Variants in CCM2 observed in about 807,000 individuals in gnomAD.
CCM2 encodes the protein CCM2 scaffold protein, also known as cerebral cavernous malformations 2 protein.
A neutral mutation model predicts 44.9 loss-of-function variants in CCM2; 25 were observed. The observed-to-expected ratio is 0.56, with a 90% confidence interval of 0.41 to 0.78. CCM2 has a LOEUF of 0.78. CCM2 is among the 30% of genes least tolerant of loss of function. CCM2 has a pLI of 0.00. For missense variants in CCM2, 481 were observed against 580.6 expected, an observed-to-expected ratio of 0.83 and a Z score of 1.76; for synonymous variants, 219 against 241.1, an observed-to-expected ratio of 0.91 and a Z score of 0.85.
chr7:45,073,789 C>G, intron 8 of CCM2: 1 of 584,302 alleles, frequency 1.7e-6, no homozygotes, highest in Non-Finnish European at 3.1e-6. Context: ...GTGCTGTGGC[C>G]GTCAGGGCTG....
chr7:45,005,128 C>T (rs1362982555), intron 1 of CCM2, among the ~76,000 whole-genome samples: 1 of 152,040 alleles, frequency 6.6e-6, no homozygotes, highest in Non-Finnish European at 1.5e-5. Context: ...GTAGCTATTG[C>T]AGTGATTCTT....
chr7:45,043,343 G>T (rs140117244), intron 2 of CCM2, among the ~76,000 whole-genome samples: 100 of 152,228 alleles, frequency 6.6e-4, no homozygotes, highest in African/African-American at 2.1e-3. Flanking sequence ...AAAATTAAAA[G>T]AAATAACAGA....
chr7:45,035,702 C>G (rs1045267461), intron 1 of CCM2, among the ~76,000 whole-genome samples: 10 of 152,064 alleles, frequency 6.6e-5, no homozygotes, highest in Admixed American at 2.6e-4. Context: ...GGCTTTAAGC[C>G]TGGGTCACAG....
chr7:45,069,714 C>G, intron 5 of CCM2, 112 bp from the exon 6 acceptor site: 1 of 1,368,224 alleles, frequency 7.3e-7, no homozygotes, highest in Non-Finnish European at 1.0e-6. Flanking sequence ...CTGGTATCCA[C>G]TCTTCATTCA....
intron 5 of CCM2, among the ~76,000 whole-genome samples, chr7:45,069,111 G>A (rs1299249876): frequency 6.6e-6 from 1 of 152,268 alleles, no homozygotes; most frequent in African/African-American, 2.4e-5. Context: ...CCACCCAATA[G>A]CTGTGGGGCC....
At chr7:45,007,951 A>C (rs953479378) in intron 1 of CCM2, among the ~76,000 whole-genome samples, 4 of 152,080 alleles carry the variant, frequency 2.6e-5, no homozygotes, top group African/African-American at 9.7e-5. Context: ...AAAAAATCAA[A>C]TTTGCTTCCT....
At chr7:45,028,553 A>C (rs968084020) in intron 1 of CCM2, among the ~76,000 whole-genome samples, 18 of 152,068 alleles carry the variant, frequency 1.2e-4, no homozygotes, top group Admixed American at 1.0e-3. Context: ...GCTATTTGGG[A>C]GGCTGAGGCA....
intron 2 of CCM2, among the ~76,000 whole-genome samples, chr7:45,056,062 C>G (rs973344017): frequency 1.1e-4 from 17 of 148,860 alleles, no homozygotes; most frequent in African/African-American, 4.2e-4. Flanking sequence ...GTGTAGATCA[C>G]ATTTGGTTTA....
intron 2 of CCM2, 108 bp from the exon 3 acceptor site, chr7:45,063,810 C>T (rs1472095365): frequency 2.5e-6 from 2 of 790,678 alleles, no homozygotes; most frequent in African/African-American, 1.7e-5. Context: ...GACCCATGGG[C>T]CTGGTGGCCT....
intron 1 of CCM2, among the ~76,000 whole-genome samples, chr7:45,010,830 T>A (rs530709182): frequency 6.6e-6 from 1 of 152,262 alleles, no homozygotes; most frequent in African/African-American, 2.4e-5. Context: ...ACCCCTGACC[T>A]CAGGTGATAC....
intron 1 of CCM2, among the ~76,000 whole-genome samples, chr7:45,034,587 C>T (rs1402788679): frequency 2.2e-5 from 3 of 134,784 alleles, no homozygotes; most frequent in Admixed American, 8.2e-5. Flanking sequence ...AGCACAATCT[C>T]GGCTCACTGC....
In CCM2 at chr7:45,073,520, G is replaced by C. The variant is rs778781413; in HGVS notation, c.864G>C (p.Glu288Asp). 6.2e-6 allele frequency: 10 copies of C among 1,613,238 alleles called. No homozygotes were observed. The highest frequency in any genetic ancestry group is 3.3e-4 in the Middle Eastern group (2 of 6,060). Residue 288 changes from glutamate to aspartate, a missense_variant, in exon 8 of 10, where the codon GAG becomes GAC. Glu to Asp is a conservative substitution (Grantham distance 45). Coordinates refer to ENST00000258781, the MANE Select transcript of CCM2 (RefSeq NM_031443.4). Reference sequence around the variant, plus strand: ...CACCCCACAGCAAGACCATCAGTGAGAGCGAGCTGAGCGCCAGCGCCACTG... The same window carrying C: ...CACCCCACAGCAAGACCATCAGTGACAGCGAGCTGAGCGCCAGCGCCACTG... ...GASPHSKTIS[E>D]SELSASATEL...
chr7:45,023,456 G>A (rs1293917912), intron 1 of CCM2, among the ~76,000 whole-genome samples: 1 of 152,100 alleles, frequency 6.6e-6, no homozygotes, highest in African/African-American at 2.4e-5. Context: ...AGCCTGAGGC[G>A]GGAGAATCGC....
At chr7:45,036,374 AG>A (rs1315152693) in intron 1 of CCM2, among the ~76,000 whole-genome samples, 1 of 152,206 alleles carries the variant, frequency 6.6e-6, no homozygotes, top group African/African-American at 2.4e-5. Flanking sequence ...CAGAAAGCTC[AG>A]CCTTGGCTGT....
intron 2 of CCM2, among the ~76,000 whole-genome samples, chr7:45,040,009 A>G (rs1421845962): frequency 2.0e-5 from 3 of 151,888 alleles, no homozygotes; most frequent in African/African-American, 7.3e-5. Flanking sequence ...CTTGGGTGAA[A>G]GAGTGAGACT....
intron 2 of CCM2, among the ~76,000 whole-genome samples, chr7:45,055,557 C>T (rs777931116): frequency 1.3e-5 from 2 of 152,018 alleles, no homozygotes; most frequent in East Asian, 1.9e-4. Flanking sequence ...GGTGTGGTGA[C>T]GGGTGCCCGT....
chr7:45,035,751 C>T (rs910324933), intron 1 of CCM2, among the ~76,000 whole-genome samples: 1 of 151,976 alleles, frequency 6.6e-6, no homozygotes, highest in African/African-American at 2.4e-5. Context: ...AGAGCTTAGG[C>T]TGTGATGCTG....
chr7:45,070,178 A>C (rs527578668), intron 6 of CCM2: 3 of 602,342 alleles, frequency 5.0e-6, no homozygotes, highest in African/African-American at 1.9e-5. Flanking sequence ...GGTCAGCGCT[A>C]TGGCTTCCTG....
At chr7:45,054,758 T>G (rs1798178848) in intron 2 of CCM2, among the ~76,000 whole-genome samples, 1 of 152,220 alleles carries the variant, frequency 6.6e-6, no homozygotes, top group Admixed American at 6.5e-5. Flanking sequence ...TCCTCTCTCT[T>G]GTAGCTGTGC....
Sources: allele counts gnomAD v4.1 joint callset (sites outside exome capture counted in the v4.1 genomes callset), GRCh38; gene constraint gnomAD v4.1.1; transcripts MANE v1.5; gene names NCBI Gene and HGNC (gene_info 2026-07-23, HGNC 2026-07-21).